Variants in MEGF6 observed in about 807,000 individuals in gnomAD.
The protein encoded by MEGF6 is multiple epidermal growth factor-like domains protein 6.
MEGF6 carries 184 observed loss-of-function variants against 207.1 expected under a neutral mutation model. The ratio of observed to expected loss-of-function variants is 0.89; its 90% CI spans 0.79 to 1.00. The LOEUF is 1.00. Among genes scored for constraint, MEGF6 ranks in the 50% least tolerant of loss-of-function variants. MEGF6 has a pLI of 0.00. For synonymous variants in MEGF6, 1,038 were observed against 910.0 expected, an observed-to-expected ratio of 1.14 and a Z score of -2.53; for missense variants, 2,282 against 2,202.9, an observed-to-expected ratio of 1.04 and a Z score of -0.72.
chr1:3,614,710 A>G (rs1471713953), upstream of MEGF6, among the ~76,000 whole-genome samples: 1 of 152,222 alleles, frequency 6.6e-6, no homozygotes, highest in East Asian at 1.9e-4. Flanking sequence ...TAGAAGGTTC[A>G]CTAATGTTTA....
At chr1:3,613,379 C>G (rs567456352), upstream of MEGF6, among the ~76,000 whole-genome samples, 3 of 152,208 alleles carry the variant, frequency 2.0e-5, no homozygotes, top group Non-Finnish European at 4.4e-5. Context: ...TGAGTGTCTC[C>G]CCCACCCTGA....
At chr1:3,513,528 T>G (rs865798156) in intron 7 of MEGF6, among the ~76,000 whole-genome samples, 5 of 150,314 alleles carry the variant, frequency 3.3e-5, no homozygotes, top group African/African-American at 1.2e-4. Context: ...TCTGCCCACC[T>G]TGGCCTCTCA....
Position 3,515,510 on chromosome 1 carries a change from G to C in MEGF6, c.622C>G (p.Leu208Val). ...RTCLAINSCA[L>V]GNGGCQHHCV... ...TGGTGCTGGCAGCCGCCATTGCCCAGGGCGCAGGAGTTAATGGCTGGGGAC... is the reference window on the plus strand; with the variant it reads ...TGGTGCTGGCAGCCGCCATTGCCCACGGCGCAGGAGTTAATGGCTGGGGAC... Residue 208 changes from leucine (L) to valine (V), a missense_variant, in exon 6 of 37, where the codon CTG (leucine) becomes GTG (valine). By Grantham distance (32) the Leu-to-Val change is conservative. Transcript: ENST00000356575. 6.2e-7 allele frequency: 1 copy of C among 1,612,494 alleles called. No homozygotes were observed. The highest frequency in any genetic ancestry group is 8.5e-7 in the Non-Finnish European group (1 of 1,179,682).
At chr1:3,510,277 C>T (rs570713846) in intron 10 of MEGF6, among the ~76,000 whole-genome samples, 125 of 152,240 alleles carry the variant, frequency 8.2e-4, no homozygotes, top group Non-Finnish European at 1.5e-3. Flanking sequence ...CAGGAGAGAG[C>T]GGCCAGTGAC....
intron 7 of MEGF6, 107 bp from the exon 8 acceptor site, chr1:3,512,235 G>C: frequency 7.1e-7 from 1 of 1,405,714 alleles, no homozygotes; most frequent in Non-Finnish European, 9.6e-7. Context: ...GCCTGTGGCC[G>C]CATGACACAG....
chr1:3,517,663 C>A (rs1487058205), intron 5 of MEGF6, among the ~76,000 whole-genome samples: 1 of 152,288 alleles, frequency 6.6e-6, no homozygotes, highest in Non-Finnish European at 1.5e-5. Context: ...AACACACAGC[C>A]CAGCCACCCC....
chr1:3,612,271 C>T (rs762606095), upstream of MEGF6, among the ~76,000 whole-genome samples: 3 of 150,980 alleles, frequency 2.0e-5, no homozygotes, highest in Non-Finnish European at 4.4e-5. Context: ...CAGGAGGAGG[C>T]GCTAATTTCT....
At chr1:3,522,519 A>G (rs562183285) in intron 5 of MEGF6, among the ~76,000 whole-genome samples, 11 of 151,448 alleles carry the variant, frequency 7.3e-5, no homozygotes, top group Admixed American at 5.2e-4. Context: ...GTGTGCAGAC[A>G]TCCCCAGGAC....
At chr1:3,491,091 A>G (rs1288976501) in intron 35 of MEGF6, 132 bp from the exon 36 acceptor site, 5 of 463,190 alleles carry the variant, frequency 1.1e-5, no homozygotes, top group African/African-American at 8.1e-5. Flanking sequence ...TTCCCTTCTC[A>G]GTCCTTTGCA....
intron 1 of MEGF6, among the ~76,000 whole-genome samples, chr1:3,602,850 CT>C: frequency 6.6e-6 from 1 of 152,172 alleles, no homozygotes; most frequent in African/African-American, 2.4e-5. Flanking sequence ...AGCGTGGATC[CT>C]AGTGCCCTAA....
At chr1:3,614,488 G>C (rs1246186140), upstream of MEGF6, among the ~76,000 whole-genome samples, 2 of 152,226 alleles carry the variant, frequency 1.3e-5, no homozygotes, top group African/African-American at 4.8e-5. Flanking sequence ...GCAGAGCACA[G>C]TAAATATTCT....
chr1:3,596,239 G>A (rs1644062735), intron 2 of MEGF6, among the ~76,000 whole-genome samples: 1 of 152,024 alleles, frequency 6.6e-6, no homozygotes, highest in Non-Finnish European at 1.5e-5. Flanking sequence ...CTAAGGCTGA[G>A]CAGAAAATGG....
At chr1:3,599,562 C>A (rs941996346) in intron 2 of MEGF6, among the ~76,000 whole-genome samples, 3 of 152,258 alleles carry the variant, frequency 2.0e-5, no homozygotes, top group Non-Finnish European at 4.4e-5. Context: ...ACATTCAGAG[C>A]CACATGTGGC....
chr1:3,595,292 TG>T, intron 3 of MEGF6, 45 bp downstream of exon 3: 1 of 1,278,048 alleles, frequency 7.8e-7, no homozygotes, highest in Non-Finnish European at 1.1e-6. Context: ...CTGAGTCCTC[TG>T]GGGTGGAGGT....
intron 5 of MEGF6, among the ~76,000 whole-genome samples, chr1:3,520,842 C>T (rs1016880283): frequency 2.6e-4 from 39 of 152,310 alleles, no homozygotes; most frequent in African/African-American, 8.9e-4. Context: ...AGTTCAAGTA[C>T]GTTTCAAGGC....
chr1:3,604,596 G>A (rs1025064942), intron 1 of MEGF6, among the ~76,000 whole-genome samples: 1 of 152,148 alleles, frequency 6.6e-6, no homozygotes, highest in Admixed American at 6.5e-5. Flanking sequence ...TGGGAGCTGG[G>A]GAAGAGGTGA....
chr1:3,511,944 G>C, intron 8 of MEGF6, 62 bp downstream of exon 8: 1 of 1,607,366 alleles, frequency 6.2e-7, no homozygotes, highest in Non-Finnish European at 8.5e-7. Context: ...CAGGCCTCGG[G>C]GTCCTGGGGA....
intron 1 of MEGF6, among the ~76,000 whole-genome samples, chr1:3,602,958 C>T (rs1028931896): frequency 7.2e-5 from 11 of 152,220 alleles, no homozygotes; most frequent in Admixed American, 2.0e-4. Flanking sequence ...GGACCAAGCG[C>T]GGGCCCATTC....
rs192199342 is a variant in MEGF6, at chr1:3,539,167, G to A, written c.482-14921C>T. On this transcript the variant is annotated intron_variant, in intron 4 of 36. Coordinates refer to ENST00000356575, the MANE Select transcript of MEGF6 (RefSeq NM_001409.4). Reference sequence around the variant, plus strand: ...GGGTGCCCTGGGGAAGAGATGGGGCGTGGTGGGGAGGCGGCCCAGGGCACC... The same window carrying A: ...GGGTGCCCTGGGGAAGAGATGGGGCATGGTGGGGAGGCGGCCCAGGGCACC... Among the ~76,000 whole-genome samples, 852 of 152,254 alleles carry A rather than the reference G, an allele frequency of 5.6e-3. 8 individuals are homozygous for A. Among genetic ancestry groups the A allele is most frequent in the African/African-American group, 0.02 (826 of 41,550 alleles).
Sources: gnomAD v4.1 joint callset for allele counts (sites outside exome capture counted in the v4.1 genomes callset) on GRCh38, gnomAD v4.1.1 for gene constraint, MANE v1.5 for transcripts, NCBI Gene and HGNC (gene_info 2026-07-23, HGNC 2026-07-21) for gene names.